The following FSTL5 variants were observed in gnomAD, a reference collection of about 807,000 sequenced individuals.
FSTL5 encodes follistatin like 5.
FSTL5 carries 62 observed loss-of-function variants against 89.1 expected under a neutral mutation model. That is an observed-to-expected ratio of 0.70 (90% CI 0.57 to 0.86). FSTL5 has a LOEUF of 0.86. Among genes scored for constraint, FSTL5 ranks in the 40% least tolerant of loss-of-function variants. The probability of loss-of-function intolerance (pLI) is 0.00; values close to 1 mark genes in which losing one functional copy is unlikely to be tolerated. For missense variants in FSTL5, 1,057 were observed against 1,001.6 expected (o/e 1.06, Z -0.75); for synonymous variants, 383 against 346.2 (o/e 1.11, Z -1.18).
chr4:161,984,023 A>G (rs1234958725), intron 3 of FSTL5, among the ~76,000 whole-genome samples: 2 of 152,102 alleles, frequency 1.3e-5, no homozygotes, highest in Non-Finnish European at 2.9e-5. Flanking sequence ...CTTTTATTGA[A>G]GACAATATCT....
rs111268282 is a variant in FSTL5, at chr4:161,521,694, A to C, written c.1313-11270T>G. On this transcript the variant is annotated intron_variant, in intron 10 of 15. Coordinates refer to ENST00000306100, the MANE Select transcript of FSTL5 (RefSeq NM_020116.5). ...AAACCCCGTCTCTACTAAAAATACAAAAAAATTAGCCAGGCTTGGTGGCAG... is the reference window on the plus strand; with the variant it reads ...AAACCCCGTCTCTACTAAAAATACACAAAAATTAGCCAGGCTTGGTGGCAG... Among the ~76,000 whole-genome samples the C allele has an allele frequency of 4.1e-3, 628 of 151,532 alleles. 2 individuals carry two copies. The highest frequency in any genetic ancestry group is 7.2e-3 in the Non-Finnish European group (485 of 67,820).
intron 7 of FSTL5, among the ~76,000 whole-genome samples, chr4:161,592,725 A>G (rs1284751650): frequency 6.6e-6 from 1 of 152,192 alleles, no homozygotes; most frequent in African/African-American, 2.4e-5. Flanking sequence ...ATAGTGCTGC[A>G]ATAAACATAC....
intron 7 of FSTL5, among the ~76,000 whole-genome samples, chr4:161,615,473 AG>A (rs1734830999): frequency 6.6e-6 from 1 of 150,874 alleles, no homozygotes; most frequent in African/African-American, 2.4e-5. Flanking sequence ...AGAAAGAAAA[AG>A]AAATACAGGC....
intron 8 of FSTL5, among the ~76,000 whole-genome samples, chr4:161,562,092 C>T (rs1000420300): frequency 6.6e-5 from 10 of 151,990 alleles, no homozygotes; most frequent in Non-Finnish European, 1.5e-5. Flanking sequence ...ATCTCATGGA[C>T]TCCAGTTCAT....
At chr4:161,860,860 A>T (rs2126889785) in intron 4 of FSTL5, among the ~76,000 whole-genome samples, 1 of 152,194 alleles carries the variant, frequency 6.6e-6, no homozygotes, top group East Asian at 1.9e-4. Flanking sequence ...TCTTGGAAAG[A>T]TGTTGGACAA....
At chr4:161,676,266 A>G (rs558570511) in intron 6 of FSTL5, among the ~76,000 whole-genome samples, 78 of 152,282 alleles carry the variant, frequency 5.1e-4, no homozygotes, top group African/African-American at 1.7e-3. Flanking sequence ...ATGCCCATCA[A>G]TGATAGACTG....
At chr4:161,589,462 C>A (rs1578949158) in intron 7 of FSTL5, among the ~76,000 whole-genome samples, 1 of 152,064 alleles carries the variant, frequency 6.6e-6, no homozygotes, top group Non-Finnish European at 1.5e-5. Flanking sequence ...AGATTACAGG[C>A]ATGAGCCACT....
chr4:161,540,763 A>G (rs1189841696), intron 9 of FSTL5, among the ~76,000 whole-genome samples: 1 of 151,930 alleles, frequency 6.6e-6, no homozygotes, highest in Non-Finnish European at 1.5e-5. Flanking sequence ...TTTTGTTTCT[A>G]AACACACTGA....
chr4:161,785,458 T>A (rs1293776895), intron 4 of FSTL5, among the ~76,000 whole-genome samples: 1 of 152,172 alleles, frequency 6.6e-6, no homozygotes, highest in African/African-American at 2.4e-5. Context: ...AACTAAATAA[T>A]AATGAAAGGG....
In FSTL5 at chr4:161,738,639, G is replaced by T. The variant is rs192549525; in HGVS notation, c.727+20772C>A. On this transcript the variant is annotated intron_variant, in intron 6 of 15. Coordinates refer to ENST00000306100, the MANE Select transcript of FSTL5 (RefSeq NM_020116.5). ...GTCAAAACTTTTCAAATTAAATAAA[G>T]ATAAAAAGGAGACACCTAGCTGAAA... Among the ~76,000 whole-genome samples, 7 of 152,162 alleles carry T rather than the reference G, an allele frequency of 4.6e-5. No homozygotes were observed. In the East Asian group the frequency reaches 1.4e-3, roughly 29 times the overall value.
At chr4:161,587,248 A>G (rs12648455) in intron 8 of FSTL5, among the ~76,000 whole-genome samples, 26,338 of 151,896 alleles carry the variant, frequency 0.17, 2,388 homozygotes, top group Middle Eastern at 0.32. Flanking sequence ...AATATTTTAT[A>G]ACAAAAATAG....
intron 15 of FSTL5, among the ~76,000 whole-genome samples, chr4:161,419,308 C>A (rs1349502388): frequency 1.3e-5 from 2 of 151,906 alleles, no homozygotes; most frequent in Non-Finnish European, 2.9e-5. Context: ...ACATATTTGC[C>A]AAATAGTTGC....
chr4:161,626,945 A>G (rs1735335122), intron 7 of FSTL5, among the ~76,000 whole-genome samples: 1 of 152,148 alleles, frequency 6.6e-6, no homozygotes, highest in African/African-American at 2.4e-5. Context: ...ATAAAAGTTG[A>G]ACAGATTACT....
intron 6 of FSTL5, among the ~76,000 whole-genome samples, chr4:161,670,028 A>G (rs1737041919): frequency 6.6e-6 from 1 of 152,184 alleles, no homozygotes; most frequent in South Asian, 2.1e-4. Flanking sequence ...TGGTGTAAAT[A>G]CTATGTTTGA....
chr4:161,621,827 C>CAAAAAAAAAAA (rs58143952), intron 7 of FSTL5, among the ~76,000 whole-genome samples: 2 of 90,376 alleles, frequency 2.2e-5, no homozygotes, highest in African/African-American at 4.2e-5. Flanking sequence ...TCTAAAAATA[C>CAAAAAAAAAAA]AAAAAAAAAA....
At chr4:161,779,319 C>T (rs1741536594) in intron 4 of FSTL5, among the ~76,000 whole-genome samples, 1 of 151,998 alleles carries the variant, frequency 6.6e-6, no homozygotes, top group South Asian at 2.1e-4. Context: ...TAAATATGTA[C>T]AATATGTATG....
intron 13 of FSTL5, among the ~76,000 whole-genome samples, chr4:161,472,199 G>A (rs62324262): frequency 0.069 from 10,471 of 152,008 alleles, 478 homozygotes; most frequent in Middle Eastern, 0.11. Context: ...GGATGATCTC[G>A]ATCTCCTGAC....
At chr4:161,727,475 T>C (rs1739462156) in intron 6 of FSTL5, among the ~76,000 whole-genome samples, 1 of 152,178 alleles carries the variant, frequency 6.6e-6, no homozygotes, top group Non-Finnish European at 1.5e-5. Context: ...AGGCAAATCA[T>C]TGAATAGAGT....
chr4:161,859,233 A>C (rs1731823503), intron 4 of FSTL5, among the ~76,000 whole-genome samples: 1 of 152,242 alleles, frequency 6.6e-6, no homozygotes, highest in Admixed American at 6.5e-5. Flanking sequence ...AATAGATGGG[A>C]ACTTCTACTC....
Sources: gnomAD v4.1 joint callset for allele counts (sites outside exome capture counted in the v4.1 genomes callset) on GRCh38, gnomAD v4.1.1 for gene constraint, MANE v1.5 for transcripts, NCBI Gene and HGNC (gene_info 2026-07-23, HGNC 2026-07-21) for gene names.